TMEM132B: variants seen among roughly 807,000 people sequenced by gnomAD.
The protein encoded by TMEM132B is transmembrane protein 132B.
In TMEM132B, 18 loss-of-function variants were observed where a neutral mutation model predicts 90.8. That is an observed-to-expected ratio of 0.20 (90% CI 0.14 to 0.29). The LOEUF (loss-of-function observed/expected upper bound fraction) is 0.29, where lower values mean the gene tolerates loss of function less well. Ranked by LOEUF, TMEM132B falls within the 10% of genes least tolerant of loss-of-function variation. The pLI, the probability that TMEM132B is intolerant of heterozygous loss-of-function variation, is 1.00. For missense variants in TMEM132B, 1,096 were observed against 1,326.8 expected, an observed-to-expected ratio of 0.83 and a Z score of 2.70; for synonymous variants, 504 against 523.3, an observed-to-expected ratio of 0.96 and a Z score of 0.50.
chr12:125,198,466 C>G (rs1343563475), intron 1 of TMEM132B, among the ~76,000 whole-genome samples: 2 of 152,206 alleles, frequency 1.3e-5, no homozygotes, highest in East Asian at 3.8e-4. Flanking sequence ...TTGGCTCCAG[C>G]CTGTCCTCCA....
At chr12:125,631,513 A>G (rs1333926642) in intron 5 of TMEM132B, among the ~76,000 whole-genome samples, 3 of 152,124 alleles carry the variant, frequency 2.0e-5, no homozygotes, top group Non-Finnish European at 4.4e-5. Flanking sequence ...CATTTGGTCT[A>G]TAGTGCAGAT....
At chr12:125,507,041 T>G (rs1330304881) in intron 3 of TMEM132B, among the ~76,000 whole-genome samples, 2 of 152,226 alleles carry the variant, frequency 1.3e-5, no homozygotes, top group African/African-American at 4.8e-5. Flanking sequence ...CTCATGCTCC[T>G]ATGGAAGGTA....
chr12:125,485,559 C>T (rs1267987147), intron 3 of TMEM132B, among the ~76,000 whole-genome samples: 1 of 152,154 alleles, frequency 6.6e-6, no homozygotes, highest in Non-Finnish European at 1.5e-5. Context: ...ATGCCAAGTC[C>T]AGGACTTGGC....
intron 4 of TMEM132B, 123 bp from the exon 5 acceptor site, chr12:125,583,728 C>A: frequency 8.3e-7 from 1 of 1,200,010 alleles, no homozygotes; most frequent in Non-Finnish European, 1.2e-6. Flanking sequence ...TTTGTCCCTT[C>A]AGACAACTGT....
At position 125,501,630 on chromosome 12, in the gene TMEM132B, T is replaced by C. The variant is rs117014062; in HGVS notation, c.1107-17809T>C. Among the ~76,000 whole-genome samples, 1,096 of 152,206 alleles carry C rather than the reference T, an allele frequency of 7.2e-3. 7 individuals are homozygous for C. Among genetic ancestry groups the C allele is most frequent in the Non-Finnish European group, 0.011 (768 of 68,008 alleles). On this transcript the variant is annotated intron_variant, in intron 3 of 8. Coordinates refer to ENST00000682704, the MANE Select transcript of TMEM132B (RefSeq NM_001366854.1). ...CACTTGTAAGTGAGAACAGGACATC[T>C]CATATTTTTATTTGTTAAATTAGGT... is the stretch of plus-strand genomic sequence containing the variant.
rs2136330547 is a variant in TMEM132B at position 125,406,505 on chromosome 12, T to C, written c.960-9026T>C. On this transcript the variant is annotated intron_variant, in intron 2 of 8. Coordinates refer to ENST00000682704, the MANE Select transcript of TMEM132B (RefSeq NM_001366854.1). This position sits in a 1 kb window ranked among gnomAD's most constrained non-coding sequence, Gnocchi z 8.3. The stretch of plus-strand genomic sequence containing the variant: ...GCCAAAACCATCTGAGACTCACTGG[T>C]CTGGACTGAGCCATGCTCCTCTTTG... 6.6e-6 allele frequency among the ~76,000 whole-genome samples: 1 copy of C among 152,314 alleles called. No homozygotes were observed.
intron 2 of TMEM132B, among the ~76,000 whole-genome samples, chr12:125,387,978 C>G (rs1254374996): frequency 6.6e-6 from 1 of 152,154 alleles, no homozygotes; most frequent in Non-Finnish European, 1.5e-5. Flanking sequence ...CTACAATCTG[C>G]TCTTCTGTCT....
chr12:125,306,284 G>A (rs796317724), intron 1 of TMEM132B, among the ~76,000 whole-genome samples: 66 of 152,258 alleles, frequency 4.3e-4, no homozygotes, highest in African/African-American at 1.5e-3. Flanking sequence ...CACACCTGCC[G>A]GCCACATTTA....
intron 3 of TMEM132B, among the ~76,000 whole-genome samples, chr12:125,467,087 A>G (rs904511230): frequency 6.6e-6 from 1 of 152,182 alleles, no homozygotes; most frequent in Non-Finnish European, 1.5e-5. Flanking sequence ...CTTTTGTTGT[A>G]CTGCTGGGGA....
At chr12:125,533,950 G>T (rs1336380717) in intron 4 of TMEM132B, among the ~76,000 whole-genome samples, 1 of 152,158 alleles carries the variant, frequency 6.6e-6, no homozygotes, top group African/African-American at 2.4e-5. Flanking sequence ...CAGCACCCCC[G>T]ATAGAGCCAG....
Position 125,431,132 on chromosome 12 carries a change from G to A in TMEM132B, c.1106+15455G>A, listed in dbSNP as rs193262703. Among the ~76,000 whole-genome samples, 123 of 152,322 alleles carry A rather than the reference G, an allele frequency of 8.1e-4. 1 individual carries two copies. Among genetic ancestry groups the A allele is most frequent in the Admixed American group, 2.0e-3 (30 of 15,306 alleles). On this transcript the variant is annotated intron_variant, in intron 3 of 8. Coordinates refer to ENST00000682704, the MANE Select transcript of TMEM132B (RefSeq NM_001366854.1). ...CTTTGGATTTTATTCTGCATGGGAT[G>A]AGCAGCTACTGCAGGGCTTTGAGGG...
intron 5 of TMEM132B, among the ~76,000 whole-genome samples, chr12:125,618,718 G>A (rs1383660967): frequency 6.6e-6 from 1 of 151,810 alleles, no homozygotes; most frequent in Non-Finnish European, 1.5e-5. Flanking sequence ...GATTGTTTTG[G>A]TGGAGAGTGG....
chr12:125,419,754 T>G (rs1880120342), intron 3 of TMEM132B, among the ~76,000 whole-genome samples: 1 of 152,168 alleles, frequency 6.6e-6, no homozygotes, highest in Non-Finnish European at 1.5e-5. Flanking sequence ...AAGTCCTATC[T>G]GAGACAAGGC....
chr12:125,542,570 A>G (rs1883985564), intron 4 of TMEM132B, among the ~76,000 whole-genome samples: 1 of 152,172 alleles, frequency 6.6e-6, no homozygotes, highest in Non-Finnish European at 1.5e-5. Flanking sequence ...TCATGTAGGT[A>G]GATTCATAGA....
At chr12:125,289,403 C>T (rs1393622951) in intron 1 of TMEM132B, among the ~76,000 whole-genome samples, 1 of 152,190 alleles carries the variant, frequency 6.6e-6, no homozygotes, top group African/African-American at 2.4e-5. Flanking sequence ...TGATCATCAT[C>T]CCCATTTTAC....
intron 1 of TMEM132B, among the ~76,000 whole-genome samples, chr12:125,189,658 C>A (rs1007029798): frequency 2.0e-5 from 3 of 152,122 alleles, no homozygotes; most frequent in African/African-American, 7.2e-5. Flanking sequence ...CAGAGTAAAT[C>A]ATTTCATCCC....
chr12:125,561,492 C>T (rs1382946732), intron 4 of TMEM132B, among the ~76,000 whole-genome samples: 1 of 152,038 alleles, frequency 6.6e-6, no homozygotes, highest in African/African-American at 2.4e-5. Flanking sequence ...GCACGTTCTG[C>T]ACATGTATCC....
intron 1 of TMEM132B, among the ~76,000 whole-genome samples, chr12:125,232,009 A>T (rs1455153898): frequency 6.6e-6 from 1 of 152,182 alleles, no homozygotes; most frequent in Non-Finnish European, 1.5e-5. Flanking sequence ...ATGTGAAGGA[A>T]GGCACAGTAT....
intron 1 of TMEM132B, among the ~76,000 whole-genome samples, chr12:125,278,725 T>C (rs1217149436): frequency 3.3e-5 from 5 of 152,108 alleles, no homozygotes; most frequent in Non-Finnish European, 7.4e-5. Flanking sequence ...AGGCAAGATA[T>C]GAAACACTGG....
Sources: gnomAD v4.1 joint callset for allele counts (sites outside exome capture counted in the v4.1 genomes callset) on GRCh38, gnomAD v4.1.1 for gene constraint, Gnocchi (gnomAD v3.1) non-coding constraint, MANE v1.5 for transcripts, NCBI Gene and HGNC (gene_info 2026-07-23, HGNC 2026-07-21) for gene names.